Variants in CELF2 observed in about 807,000 individuals in gnomAD.
The protein encoded by CELF2 is CUG triplet repeat RNA-binding protein 2.
CELF2 carries 8 observed loss-of-function variants against 62.6 expected under a neutral mutation model. The ratio of observed to expected loss-of-function variants is 0.13; its 90% CI spans 0.07 to 0.23. CELF2 has a LOEUF of 0.23. Among genes scored for constraint, CELF2 ranks in the 10% least tolerant of loss-of-function variants. The pLI, the probability that CELF2 is intolerant of heterozygous loss-of-function variation, is 1.00. For synonymous variants in CELF2, 258 were observed against 250.0 expected (o/e 1.03, Z -0.30); for missense variants, 333 against 671.0 (o/e 0.50, Z 5.56).
rs74737672 is a variant in CELF2, at chr10:11,149,383, A to G, written c.75-16103A>G. ...CCACGCCTGACCTATTGACACATAT[A>G]TTAAGGAAATGTCCCCACCCTCATC... On this transcript the variant is annotated intron_variant, in intron 1 of 12. Coordinates refer to ENST00000633077, the MANE Select transcript of CELF2 (RefSeq NM_001326342.2). 7.8e-3 allele frequency among the ~76,000 whole-genome samples: 1,181 copies of G among 152,260 alleles called. 13 individuals carry two copies. Among genetic ancestry groups the G allele is most frequent in the African/African-American group, 0.027 (1,113 of 41,544 alleles).
chr10:10,962,600 C>A (rs911222749), intron 2 of CELF2, among the ~76,000 whole-genome samples: 1 of 152,160 alleles, frequency 6.6e-6, no homozygotes, highest in African/African-American at 2.4e-5. Flanking sequence ...GCACACACCC[C>A]TGTAGTCCCA....
At chr10:10,730,927 T>C in the CELF2 span, among the ~76,000 whole-genome samples, 1 of 152,222 alleles carries the variant, frequency 6.6e-6, no homozygotes, top group African/African-American at 2.4e-5. Flanking sequence ...TGTGATAAAA[T>C]GCATGAGACA....
chr10:10,761,924 G>A, the CELF2 span, among the ~76,000 whole-genome samples: 3 of 150,530 alleles, frequency 2.0e-5, no homozygotes, highest in Non-Finnish European at 3.0e-5. Context: ...GTGTGTGTGT[G>A]TGTGTGTGTG....
At chr10:10,710,318 A>G in the CELF2 span, among the ~76,000 whole-genome samples, 33 of 152,334 alleles carry the variant, frequency 2.2e-4, no homozygotes, top group Non-Finnish European at 4.3e-4. Context: ...AAAGCAGGGT[A>G]AAGAAGTAGA....
the CELF2 span, among the ~76,000 whole-genome samples, chr10:10,569,135 T>C: frequency 1.3e-5 from 2 of 152,124 alleles, no homozygotes; most frequent in Non-Finnish European, 2.9e-5. Flanking sequence ...TGACTGAGAA[T>C]TTTCTGGGAT....
Position 11,055,990 on chromosome 10 carries a change from A to G in CELF2, c.74+37827A>G, listed in dbSNP as rs186132493. 2.0e-5 allele frequency among the ~76,000 whole-genome samples: 3 copies of G among 152,360 alleles called. No individual in the cohort carries two copies. The East Asian group carries it at 5.8e-4, about 29-fold the overall frequency. On this transcript the variant is annotated intron_variant, in intron 1 of 12. Coordinates refer to ENST00000633077, the MANE Select transcript of CELF2 (RefSeq NM_001326342.2). ...CAGAGAAGAGTAGTGATTTTGTGACAATGGCCTAAATCCAAGAAGTGCATT... is the reference window on the plus strand; with the variant it reads ...CAGAGAAGAGTAGTGATTTTGTGACGATGGCCTAAATCCAAGAAGTGCATT...
the CELF2 span, among the ~76,000 whole-genome samples, chr10:10,651,043 G>A: frequency 1.1e-3 from 173 of 152,042 alleles, 1 homozygote; most frequent in East Asian, 2.1e-3. Flanking sequence ...GCAGGGCGAG[G>A]CATTGCCTCA....
intron 1 of CELF2, among the ~76,000 whole-genome samples, chr10:11,122,613 T>C (rs1208420871): frequency 6.6e-6 from 1 of 152,234 alleles, no homozygotes; most frequent in Admixed American, 6.5e-5. Flanking sequence ...TAAACGGTTA[T>C]TAGGATTTGA....
At chr10:10,854,433 G>C (rs191789500) in intron 1 of CELF2, among the ~76,000 whole-genome samples, 41 of 152,278 alleles carry the variant, frequency 2.7e-4, no homozygotes, top group Non-Finnish European at 5.4e-4. Flanking sequence ...GTTTATTCTC[G>C]AAGTGAGTTT....
the CELF2 span, among the ~76,000 whole-genome samples, chr10:10,522,627 T>A: frequency 6.6e-6 from 1 of 152,196 alleles, no homozygotes; most frequent in East Asian, 1.9e-4. Flanking sequence ...TGGAATGCAA[T>A]GGCGCAATCT....
At chr10:10,766,705 C>G in the CELF2 span, among the ~76,000 whole-genome samples, 1 of 152,206 alleles carries the variant, frequency 6.6e-6, no homozygotes, top group Non-Finnish European at 1.5e-5. Flanking sequence ...CATGAGCCTG[C>G]TATGTCTGCC....
intron 2 of CELF2, among the ~76,000 whole-genome samples, chr10:10,991,398 G>A (rs1388084572): frequency 6.6e-6 from 1 of 152,158 alleles, no homozygotes; most frequent in African/African-American, 2.4e-5. Flanking sequence ...TCTCAGTGGG[G>A]ATGATCCTGC....
In CELF2 at chr10:10,979,672, C is replaced by CAAAAAAAAA. The variant is rs35482385; in HGVS notation, c.89+59690_89+59698dup. The stretch of plus-strand genomic sequence containing the variant: ...GGCGATAGAGCCAGACCTTGTCTCT[C>CAAAAAAAAA]AAAAAAAAAAAAAAAAAAAAAAAAA... On this transcript the variant is annotated intron_variant, in intron 2 of 13. Transcript: ENST00000636488. 6.2e-3 allele frequency among the ~76,000 whole-genome samples: 429 copies of CAAAAAAAAA among 68,944 alleles called. 8 individuals are homozygous for CAAAAAAAAA. The highest frequency in any genetic ancestry group is 0.019 in the African/African-American group (405 of 21,198). The allele number at this position is 68,944 out of a possible 152,430, so 45.2% of individuals were successfully genotyped here.
At chr10:10,516,111 A>G in the CELF2 span, among the ~76,000 whole-genome samples, 1 of 152,170 alleles carries the variant, frequency 6.6e-6, no homozygotes, top group African/African-American at 2.4e-5. Context: ...GCTGAGAAAA[A>G]GTTAACTTGT....
At chr10:10,964,799 A>G (rs992689866) in intron 2 of CELF2, among the ~76,000 whole-genome samples, 14 of 123,880 alleles carry the variant, frequency 1.1e-4, no homozygotes, top group African/African-American at 7.7e-4. Flanking sequence ...CAATAATAAT[A>G]ATAGAAACAT....
chr10:10,829,374 T>C (rs1174501518), intron 1 of CELF2, among the ~76,000 whole-genome samples: 1 of 152,210 alleles, frequency 6.6e-6, no homozygotes, highest in Non-Finnish European at 1.5e-5. Flanking sequence ...CCCTGAATCT[T>C]TCTTCCAACC....
the CELF2 span, among the ~76,000 whole-genome samples, chr10:10,561,751 A>G: frequency 6.6e-6 from 1 of 151,992 alleles, no homozygotes; most frequent in Non-Finnish European, 1.5e-5. Flanking sequence ...CTTTGTACAT[A>G]TCTGAGATCC....
intron 2 of CELF2, among the ~76,000 whole-genome samples, chr10:10,959,155 G>A (rs753764037): frequency 6.6e-6 from 1 of 152,078 alleles, no homozygotes; most frequent in Non-Finnish European, 1.5e-5. Context: ...CATGGTGGTA[G>A]CTGTAGTCTT....
chr10:10,849,146 C>T (rs1406797582), intron 1 of CELF2, among the ~76,000 whole-genome samples: 1 of 151,702 alleles, frequency 6.6e-6, no homozygotes, highest in African/African-American at 2.4e-5. Flanking sequence ...TCTGTAATTC[C>T]AGCACTTTGG....
Sources: gnomAD v4.1 joint callset for allele counts (sites outside exome capture counted in the v4.1 genomes callset) on GRCh38, gnomAD v4.1.1 for gene constraint, MANE v1.5 for transcripts, NCBI Gene and HGNC (gene_info 2026-07-23, HGNC 2026-07-21) for gene names.